Variants in BAIAP2L1 observed in about 807,000 individuals in gnomAD.
BAIAP2L1 encodes the protein BAR/IMD domain-containing adapter protein 2-like 1.
A neutral mutation model predicts 66.3 loss-of-function variants in BAIAP2L1; 35 were observed. The ratio of observed to expected loss-of-function variants is 0.53; its 90% confidence interval spans 0.40 to 0.70. The LOEUF (loss-of-function observed/expected upper bound fraction) is 0.70, where lower values mean the gene tolerates loss of function less well. BAIAP2L1 is among the 30% of genes least tolerant of loss of function. BAIAP2L1 has a pLI of 0.00. For synonymous variants in BAIAP2L1, 269 were observed against 248.7 expected, an observed-to-expected ratio of 1.08 and a Z score of -0.77; for missense variants, 622 against 656.9, an observed-to-expected ratio of 0.95 and a Z score of 0.58.
chr7:98,316,535 T>C (rs1241604583), intron 6 of BAIAP2L1, among the ~76,000 whole-genome samples: 1 of 152,170 alleles, frequency 6.6e-6, no homozygotes, highest in African/African-American at 2.4e-5. Context: ...TAAAAACTGA[T>C]AGATTATATA....
intron 3 of BAIAP2L1, among the ~76,000 whole-genome samples, chr7:98,342,333 G>A (rs1453273906): frequency 6.6e-6 from 1 of 152,134 alleles, no homozygotes; most frequent in African/African-American, 2.4e-5. Flanking sequence ...ACAGGTGTGA[G>A]CCACTGCACC....
At chr7:98,366,332 G>A (rs1373438466) in intron 1 of BAIAP2L1, among the ~76,000 whole-genome samples, 4 of 152,130 alleles carry the variant, frequency 2.6e-5, no homozygotes, top group African/African-American at 9.7e-5. Context: ...GCTGCTGGTG[G>A]TGGTGGCTGG....
rs78487846 is a variant in BAIAP2L1, at chr7:98,295,292, C to A, written c.1423-1181G>T. 4.3e-3 allele frequency among the ~76,000 whole-genome samples: 648 copies of A among 152,278 alleles called. 16 individuals are homozygous for A. Among genetic ancestry groups the A allele is most frequent in the Admixed American group, 0.036 (548 of 15,312 alleles). On this transcript the variant is annotated intron_variant, in intron 12 of 13. Coordinates refer to ENST00000005260, the MANE Select transcript of BAIAP2L1 (RefSeq NM_018842.5). ...CCCCAGGGCTGTGCCTGAGACCTGTCCCACCCTCCCCAGATCCCCTGGGCA... is the reference window on the plus strand; with the variant it reads ...CCCCAGGGCTGTGCCTGAGACCTGTACCACCCTCCCCAGATCCCCTGGGCA...
At chr7:98,384,599 C>A (rs139761617) in intron 1 of BAIAP2L1, among the ~76,000 whole-genome samples, 2 of 152,008 alleles carry the variant, frequency 1.3e-5, no homozygotes, top group African/African-American at 4.8e-5. Context: ...TGACTTACTG[C>A]ACTAGTTCTT....
chr7:98,354,048 T>G (rs886326898), intron 3 of BAIAP2L1, among the ~76,000 whole-genome samples: 7 of 151,992 alleles, frequency 4.6e-5, no homozygotes, highest in Non-Finnish European at 1.0e-4. Flanking sequence ...CAGTACTGAC[T>G]TATTCACTAA....
At chr7:98,382,668 G>A (rs572950916) in intron 1 of BAIAP2L1, among the ~76,000 whole-genome samples, 16 of 152,128 alleles carry the variant, frequency 1.1e-4, no homozygotes, top group African/African-American at 3.6e-4. Context: ...TTATTTCTTG[G>A]CAATGCCAGG....
intron 2 of BAIAP2L1, among the ~76,000 whole-genome samples, chr7:98,356,848 A>AT (rs1802131701): frequency 6.9e-6 from 1 of 145,300 alleles, no homozygotes; most frequent in Non-Finnish European, 1.5e-5. Context: ...CTAGCCAGGC[A>AT]TGGTGGTGGT....
At chr7:98,364,707 C>T (rs1038217710) in intron 1 of BAIAP2L1, among the ~76,000 whole-genome samples, 4 of 151,982 alleles carry the variant, frequency 2.6e-5, no homozygotes, top group East Asian at 1.9e-4. Context: ...CTTGGTCAGG[C>T]GTGATGGCTC....
chr7:98,352,547 C>G (rs1286891652), intron 3 of BAIAP2L1, among the ~76,000 whole-genome samples: 1 of 152,078 alleles, frequency 6.6e-6, no homozygotes, highest in Admixed American at 6.6e-5. Flanking sequence ...AAGGCTGAGG[C>G]ATGAGAATTG....
chr7:98,359,368 G>A (rs941372635), intron 2 of BAIAP2L1, among the ~76,000 whole-genome samples: 3 of 151,816 alleles, frequency 2.0e-5, no homozygotes, highest in Admixed American at 1.3e-4. Flanking sequence ...TACCTCCCGG[G>A]TTCAAGTGAT....
chr7:98,328,418 T>C (rs1801421257), intron 3 of BAIAP2L1, among the ~76,000 whole-genome samples: 1 of 152,150 alleles, frequency 6.6e-6, no homozygotes, highest in Non-Finnish European at 1.5e-5. Context: ...CCTAACCTCT[T>C]TCTGCAGTAT....
intron 9 of BAIAP2L1, chr7:98,308,234 C>T: frequency 2.0e-6 from 1 of 503,720 alleles, no homozygotes; most frequent in Non-Finnish European, 3.9e-6. Flanking sequence ...ACAAACCGCT[C>T]CAACGCCAAA....
chr7:98,315,215 A>G (rs1337648680), intron 7 of BAIAP2L1, among the ~76,000 whole-genome samples: 2 of 152,092 alleles, frequency 1.3e-5, no homozygotes, highest in African/African-American at 2.4e-5. Flanking sequence ...TCAACTTCCC[A>G]GGCTGAAGGG....
chr7:98,384,387 T>C (rs1584502347), intron 1 of BAIAP2L1, among the ~76,000 whole-genome samples: 1 of 152,162 alleles, frequency 6.6e-6, no homozygotes, highest in Non-Finnish European at 1.5e-5. Flanking sequence ...AAAAGATACA[T>C]ACTTTGAAGA....
intron 3 of BAIAP2L1, among the ~76,000 whole-genome samples, chr7:98,331,236 C>A (rs891594775): frequency 6.6e-6 from 1 of 151,832 alleles, no homozygotes; most frequent in African/African-American, 2.4e-5. Context: ...CCAAGAACTG[C>A]GGGAAAATTA....
chr7:98,364,348 G>A (rs549876895), intron 1 of BAIAP2L1, among the ~76,000 whole-genome samples: 1 of 152,152 alleles, frequency 6.6e-6, no homozygotes, highest in South Asian at 2.1e-4. Context: ...AGGCCTATCA[G>A]TGTTATTTTT....
intron 3 of BAIAP2L1, among the ~76,000 whole-genome samples, chr7:98,335,459 T>C (rs1311026364): frequency 2.0e-5 from 3 of 152,228 alleles, no homozygotes; most frequent in Non-Finnish European, 4.4e-5. Flanking sequence ...TGTGTGTATA[T>C]ATTTCATCAT....
intron 7 of BAIAP2L1, among the ~76,000 whole-genome samples, chr7:98,312,760 G>GT (rs1800919067): frequency 1.3e-5 from 2 of 151,120 alleles, no homozygotes; most frequent in Admixed American, 1.3e-4. Context: ...AAGAGGGACT[G>GT]GGTGAGTGGT....
intron 13 of BAIAP2L1, 72 bp downstream of exon 13, chr7:98,294,002 A>C: frequency 6.5e-7 from 1 of 1,529,762 alleles, no homozygotes; most frequent in East Asian, 2.3e-5. Flanking sequence ...TGGGCACCGA[A>C]GGCCCTTCCG....
Sources: gnomAD v4.1 joint callset for allele counts (sites outside exome capture counted in the v4.1 genomes callset) on GRCh38, gnomAD v4.1.1 for gene constraint, MANE v1.5 for transcripts, NCBI Gene and HGNC (gene_info 2026-07-23, HGNC 2026-07-21) for gene names.